The following SPAG16 variants were observed in gnomAD, a reference collection of about 807,000 sequenced individuals.
SPAG16 encodes the protein sperm-associated antigen 16 protein.
A neutral mutation model predicts 80.4 loss-of-function variants in SPAG16; 86 were observed. The observed-to-expected ratio is 1.07, with a 90% CI of 0.90 to 1.28. SPAG16 has a LOEUF of 1.28. Ranked by LOEUF, SPAG16 falls within the 50% of genes most tolerant of loss-of-function variation. The pLI is 0.00. For missense variants in SPAG16, 870 were observed against 765.3 expected (o/e 1.14, Z -1.61); for synonymous variants, 294 against 265.9 (o/e 1.11, Z -1.03).
At chr2:213,501,451 T>G (rs1291156031) in intron 10 of SPAG16, among the ~76,000 whole-genome samples, 1 of 152,188 alleles carries the variant, frequency 6.6e-6, no homozygotes, top group Non-Finnish European at 1.5e-5. Context: ...GAAAAAAATA[T>G]ACGTCTATGT....
intron 10 of SPAG16, among the ~76,000 whole-genome samples, chr2:213,548,914 T>G (rs1429987863): frequency 3.3e-5 from 5 of 152,092 alleles, no homozygotes; most frequent in Non-Finnish European, 7.4e-5. Context: ...ATATTTTATA[T>G]TTTAATATAA....
intron 13 of SPAG16, among the ~76,000 whole-genome samples, chr2:214,062,929 A>G (rs995427981): frequency 3.3e-5 from 5 of 152,172 alleles, no homozygotes; most frequent in Admixed American, 6.6e-5. Flanking sequence ...TGAGTCACAT[A>G]TGCAATTTTA....
At chr2:213,694,771 CCTT>C (rs1207747563) in intron 10 of SPAG16, among the ~76,000 whole-genome samples, 1 of 131,108 alleles carries the variant, frequency 7.6e-6, no homozygotes, top group Non-Finnish European at 1.8e-5. Flanking sequence ...CTTCTCTTTT[CCTT>C]CTTTCCTTCC....
intron 3 of SPAG16, among the ~76,000 whole-genome samples, chr2:213,298,689 A>G (rs764287461): frequency 6.6e-6 from 1 of 152,230 alleles, no homozygotes; most frequent in Non-Finnish European, 1.5e-5. Flanking sequence ...GAAGAAATAC[A>G]TTGTAGTAGC....
At chr2:213,896,088 A>T (rs1226486238) in intron 11 of SPAG16, among the ~76,000 whole-genome samples, 1 of 152,156 alleles carries the variant, frequency 6.6e-6, no homozygotes, top group Non-Finnish European at 1.5e-5. Context: ...TAAGGAGCTC[A>T]AACAACTCAA....
intron 12 of SPAG16, among the ~76,000 whole-genome samples, chr2:213,945,282 A>C (rs987138871): frequency 1.4e-5 from 2 of 147,368 alleles, no homozygotes; most frequent in African/African-American, 2.5e-5. Flanking sequence ...TATATACACA[A>C]ACACACACAT....
chr2:214,053,264 G>A (rs1242400641), intron 13 of SPAG16, among the ~76,000 whole-genome samples: 2 of 152,086 alleles, frequency 1.3e-5, no homozygotes, highest in Admixed American at 6.5e-5. Flanking sequence ...TTTATAAGAG[G>A]AGAAATTTGG....
chr2:213,887,331 G>GT (rs930992166), intron 11 of SPAG16, among the ~76,000 whole-genome samples: 2 of 151,598 alleles, frequency 1.3e-5, no homozygotes, highest in Non-Finnish European at 3.0e-5. Context: ...TTCCTCCATT[G>GT]TTTTTTCGTT....
intron 9 of SPAG16, among the ~76,000 whole-genome samples, chr2:213,401,042 CAA>C (rs755869752): frequency 2.0e-5 from 3 of 152,196 alleles, no homozygotes; most frequent in Non-Finnish European, 4.4e-5. Context: ...CTCCTGGACT[CAA>C]GAGATCTGTC....
At chr2:213,909,403 G>A (rs570029762) in intron 11 of SPAG16, among the ~76,000 whole-genome samples, 38 of 152,234 alleles carry the variant, frequency 2.5e-4, no homozygotes, top group African/African-American at 8.2e-4. Flanking sequence ...AGCCAAAAAA[G>A]AGCCCGCATC....
rs143049308 is a variant in SPAG16, at chr2:214,034,673, C to T, written c.1527+20596C>T. ...CCTGTGAGGCTGCAGCCAGACCAGA[C>T]ATCCTGAAAGCAGCTTCCACAGCTG... On this transcript the variant is annotated intron_variant, in intron 13 of 15. Transcript: ENST00000331683. Among the ~76,000 whole-genome samples the T allele has an allele frequency of 1.4e-4, 22 of 152,320 alleles. No homozygotes were observed. In the East Asian group the frequency reaches 4.1e-3, roughly 28 times the overall value.
chr2:213,328,486 A>G (rs1347765054), intron 5 of SPAG16, among the ~76,000 whole-genome samples: 2 of 152,146 alleles, frequency 1.3e-5, no homozygotes, highest in Non-Finnish European at 2.9e-5. Flanking sequence ...TATCAACTCA[A>G]TCATTTACTT....
In SPAG16 at chr2:213,980,712, G is replaced by GTGTATATATATA. The variant is rs1469351640; in HGVS notation, c.1401-33238_1401-33237insGTATATATATAT. Among the ~76,000 whole-genome samples, 12 of 113,994 alleles carry GTGTATATATATA rather than the reference G, an allele frequency of 1.1e-4. 1 individual carries two copies. Among genetic ancestry groups the GTGTATATATATA allele is most frequent in the African/African-American group, 1.9e-4 (5 of 26,134 alleles). The allele number at this position is 113,994 out of a possible 152,430, so 74.8% of individuals were successfully genotyped here. On this transcript the variant is annotated intron_variant, in intron 12 of 15. Coordinates refer to ENST00000331683, the MANE Select transcript of SPAG16 (RefSeq NM_024532.5). ...ATAGAATATATGTGTGTGTGTGTGTGTATATATATATATAGAGAGAGAGAG... is the reference window on the plus strand; with the variant it reads ...ATAGAATATATGTGTGTGTGTGTGTGTGTATATATATATATATATATATATAGAGAGAGAGAG...
chr2:214,242,725 G>A (rs192054614), intron 15 of SPAG16, among the ~76,000 whole-genome samples: 1 of 152,108 alleles, frequency 6.6e-6, no homozygotes, highest in Non-Finnish European at 1.5e-5. Context: ...TAAAAATAAT[G>A]CAAAATTCAT....
intron 10 of SPAG16, among the ~76,000 whole-genome samples, chr2:213,750,803 G>T (rs1024234552): frequency 3.7e-4 from 56 of 152,186 alleles, no homozygotes; most frequent in African/African-American, 1.3e-3. Flanking sequence ...GCAGACTCCT[G>T]ATAGAATTAT....
intron 15 of SPAG16, among the ~76,000 whole-genome samples, chr2:214,195,688 G>T (rs2057815888): frequency 6.6e-6 from 1 of 151,946 alleles, no homozygotes. Context: ...AGATGAAGAA[G>T]ACTGGGCAAA....
intron 10 of SPAG16, among the ~76,000 whole-genome samples, chr2:213,602,047 A>C (rs528619126): frequency 2.0e-5 from 3 of 152,350 alleles, no homozygotes; most frequent in African/African-American, 7.2e-5. Flanking sequence ...ATCTAATGCC[A>C]CTACTGATCT....
intron 11 of SPAG16, among the ~76,000 whole-genome samples, chr2:213,927,339 T>C (rs371265671): frequency 5.3e-5 from 8 of 152,176 alleles, no homozygotes; most frequent in African/African-American, 1.9e-4. Context: ...GTTCCTTCTA[T>C]TTGTGTGGAG....
intron 10 of SPAG16, among the ~76,000 whole-genome samples, chr2:213,860,655 A>G (rs2075415737): frequency 6.6e-6 from 1 of 151,942 alleles, no homozygotes; most frequent in Non-Finnish European, 1.5e-5. Flanking sequence ...AGAGTCAGAA[A>G]AAAGTACTTC....
Sources: gnomAD v4.1 joint callset for allele counts (sites outside exome capture counted in the v4.1 genomes callset) on GRCh38, gnomAD v4.1.1 for gene constraint, MANE v1.5 for transcripts, NCBI Gene and HGNC (gene_info 2026-07-23, HGNC 2026-07-21) for gene names.